The following ADAMTS20 variants were observed in gnomAD, a reference collection of about 807,000 sequenced individuals.
The protein encoded by ADAMTS20 is A disintegrin and metalloproteinase with thrombospondin motifs 20.
In ADAMTS20, 225 loss-of-function variants were observed where a neutral mutation model predicts 260.1. That is an observed-to-expected ratio of 0.87 (90% confidence interval 0.78 to 0.97). The LOEUF (loss-of-function observed/expected upper bound fraction) is 0.97, where lower values mean the gene tolerates loss of function less well. Among genes scored for constraint, ADAMTS20 ranks in the 50% least tolerant of loss-of-function variants. ADAMTS20 has a pLI of 0.00. For missense variants in ADAMTS20, 2,400 were observed against 2,337.7 expected, an observed-to-expected ratio of 1.03 and a Z score of -0.55; for synonymous variants, 802 against 769.5, an observed-to-expected ratio of 1.04 and a Z score of -0.70.
At chr12:43,410,588 A>G (rs2137271064) in intron 28 of ADAMTS20, among the ~76,000 whole-genome samples, 1 of 152,352 alleles carries the variant, frequency 6.6e-6, no homozygotes, top group South Asian at 2.1e-4. Context: ...TATAAAAGGG[A>G]GTCAATAGGT....
intron 13 of ADAMTS20, 32 bp from the exon 14 acceptor site, chr12:43,452,442 G>A (rs1304645707): frequency 6.2e-7 from 1 of 1,606,552 alleles, no homozygotes; most frequent in South Asian, 1.1e-5. Context: ...AATTTTTAAT[G>A]TATAATAATA....
chr12:43,551,415 G>GCA lies in ADAMTS20; in HGVS notation c.92-147_92-146dup, dbSNP rs147531469. ...CAAATGCACACATGCTGATGCGCACGCACACACACACACGTGCACTGGGAC... is the reference window on the plus strand; with the variant it reads ...CAAATGCACACATGCTGATGCGCACGCACACACACACACACGTGCACTGGGAC... On this transcript the variant is annotated intron_variant, in intron 1 of 38. Coordinates refer to ENST00000389420, the MANE Select transcript of ADAMTS20 (RefSeq NM_025003.5). This position sits in a 1 kb window ranked among gnomAD's most constrained non-coding sequence, Gnocchi z 4.6. 6.9e-4 allele frequency: 761 copies of GCA among 1,108,612 alleles called. No homozygotes were observed. Among genetic ancestry groups the GCA allele is most frequent in the Middle Eastern group, 8.5e-4 (4 of 4,686 alleles). The allele number at this position is 1,108,612 out of a possible 1,614,324, so 68.7% of individuals were successfully genotyped here. A position where few individuals can be genotyped will look rare whatever the true frequency, so the allele number is the denominator to read the frequency against.
chr12:43,497,762 T>C (rs535599466), intron 4 of ADAMTS20, among the ~76,000 whole-genome samples: 1 of 152,252 alleles, frequency 6.6e-6, no homozygotes, highest in East Asian at 1.9e-4. Flanking sequence ...TTAGTTGATA[T>C]ATGCCTCTAA....
chr12:43,376,355 T>C, intron 33 of ADAMTS20, 25 bp from the exon 34 acceptor site: 1 of 1,512,904 alleles, frequency 6.6e-7, no homozygotes, highest in Non-Finnish European at 8.9e-7. Flanking sequence ...TAACACAACT[T>C]AACACAGAGC....
intron 3 of ADAMTS20, among the ~76,000 whole-genome samples, chr12:43,526,038 T>C (rs1027369350): frequency 1.3e-5 from 2 of 152,200 alleles, no homozygotes; most frequent in East Asian, 1.9e-4. Context: ...ACGTAAGATA[T>C]ATGTACAGAA....
At chr12:43,361,050 A>G (rs767533562) in intron 37 of ADAMTS20, among the ~76,000 whole-genome samples, 12 of 152,218 alleles carry the variant, frequency 7.9e-5, no homozygotes, top group Non-Finnish European at 1.8e-4. Flanking sequence ...CTTTCGACAT[A>G]TGCATTCTAA....
At chr12:43,381,566 G>A (rs1300330651) in intron 31 of ADAMTS20, among the ~76,000 whole-genome samples, 5 of 146,890 alleles carry the variant, frequency 3.4e-5, no homozygotes, top group Non-Finnish European at 6.0e-5. Context: ...ATGATCCCTT[G>A]AGCCCAGGAG....
At chr12:43,463,914 T>C (rs1942108776) in intron 10 of ADAMTS20, among the ~76,000 whole-genome samples, 1 of 152,044 alleles carries the variant, frequency 6.6e-6, no homozygotes, top group Non-Finnish European at 1.5e-5. Flanking sequence ...GGCAAAAATA[T>C]ATAGGGAATA....
In ADAMTS20 at chr12:43,432,867, T is replaced by C. The variant is rs1006880156; in HGVS notation, c.2721-56A>G. ...GTATATTACATAATTTAAAAACAGA[T>C]TCAGAGACACTCATGCATTCAGTTT... On this transcript the variant is annotated intron_variant, in intron 19 of 38. Coordinates refer to ENST00000389420, the MANE Select transcript of ADAMTS20 (RefSeq NM_025003.5). The C allele has an allele frequency of 4.9e-6, 7 of 1,420,136 alleles. No individual in the cohort carries two copies. In the African/African-American group the frequency reaches 5.7e-5, roughly 12 times the overall value. 88.0% of individuals were successfully genotyped at this position (1,420,136 alleles called of 1,614,324 possible).
chr12:43,526,149 A>T (rs141135925), intron 3 of ADAMTS20, among the ~76,000 whole-genome samples: 1 of 152,330 alleles, frequency 6.6e-6, no homozygotes, highest in African/African-American at 2.4e-5. Flanking sequence ...ATCTCAATAC[A>T]TTTTTAAAAA....
At chr12:43,418,561 G>A (rs192285695) in intron 28 of ADAMTS20, among the ~76,000 whole-genome samples, 2 of 152,218 alleles carry the variant, frequency 1.3e-5, no homozygotes, top group Non-Finnish European at 1.5e-5. Context: ...TGCCTGCCCC[G>A]GCCTCCCAAA....
In ADAMTS20 at chr12:43,549,969, T is replaced by C. The variant is rs1164383514; in HGVS notation, c.453+940A>G. On this transcript the variant is annotated intron_variant, in intron 2 of 38. Coordinates refer to ENST00000389420, the MANE Select transcript of ADAMTS20 (RefSeq NM_025003.5). Reference sequence around the variant, plus strand: ...CTTCCAGAAGTATCTTTTGTAAAAGTATGTATCTGCTAAACAAAAGCTAGA... The same window carrying C: ...CTTCCAGAAGTATCTTTTGTAAAAGCATGTATCTGCTAAACAAAAGCTAGA... Among the ~76,000 whole-genome samples the C allele has an allele frequency of 3.9e-5, 6 of 152,238 alleles. No homozygotes were observed. The East Asian group carries it at 9.6e-4, about 24-fold the overall frequency.
intron 3 of ADAMTS20, among the ~76,000 whole-genome samples, chr12:43,521,076 G>A (rs894955599): frequency 1.8e-4 from 27 of 152,166 alleles, no homozygotes; most frequent in Admixed American, 1.8e-3. Context: ...CTCCTTTCTG[G>A]TAAATGCCTG....
intron 7 of ADAMTS20, among the ~76,000 whole-genome samples, chr12:43,476,915 C>T (rs1421818785): frequency 9.4e-5 from 14 of 149,450 alleles, no homozygotes; most frequent in Non-Finnish European, 1.6e-4. Flanking sequence ...TTAGTGGGTG[C>T]AGCACACCAG....
chr12:43,506,959 G>A (rs993465343), intron 3 of ADAMTS20, among the ~76,000 whole-genome samples: 9 of 152,118 alleles, frequency 5.9e-5, no homozygotes, highest in Non-Finnish European at 1.0e-4. Context: ...TGGGGAGTGA[G>A]GGAAACGAGG....
At chr12:43,391,004 A>G (rs558120360) in intron 29 of ADAMTS20, among the ~76,000 whole-genome samples, 1 of 152,324 alleles carries the variant, frequency 6.6e-6, no homozygotes, top group African/African-American at 2.4e-5. Context: ...GGCTGCTATA[A>G]CAAAATACCA....
At chr12:43,369,851 G>C (rs559961640) in intron 36 of ADAMTS20, among the ~76,000 whole-genome samples, 1 of 151,602 alleles carries the variant, frequency 6.6e-6, no homozygotes, top group Admixed American at 6.6e-5. Flanking sequence ...TCTTTTTTTC[G>C]TGTCTTATTG....
At chr12:43,515,736 G>T (rs916740187) in intron 3 of ADAMTS20, among the ~76,000 whole-genome samples, 7 of 152,072 alleles carry the variant, frequency 4.6e-5, no homozygotes, top group Non-Finnish European at 8.8e-5. Flanking sequence ...TTAATATGTT[G>T]ATTATGGAAT....
intron 27 of ADAMTS20, among the ~76,000 whole-genome samples, chr12:43,426,704 C>T (rs1941339803): frequency 6.6e-6 from 1 of 152,132 alleles, no homozygotes; most frequent in South Asian, 2.1e-4. Flanking sequence ...TAGGATTAAA[C>T]ATGTTTTATA....
Sources: gnomAD v4.1 joint callset for allele counts (sites outside exome capture counted in the v4.1 genomes callset) on GRCh38, gnomAD v4.1.1 for gene constraint, Gnocchi (gnomAD v3.1) non-coding constraint, MANE v1.5 for transcripts, NCBI Gene and HGNC (gene_info 2026-07-23, HGNC 2026-07-21) for gene names.